The following SNX24 variants were observed in gnomAD, a reference collection of about 807,000 sequenced individuals.
SNX24 encodes the protein sorting nexin 24, also known as sorting nexin-24.
In SNX24, 22 loss-of-function variants were observed where a neutral mutation model predicts 28.7. The ratio of observed to expected loss-of-function variants is 0.77; its 90% CI spans 0.55 to 1.10. The LOEUF is 1.10. SNX24 is among the 50% of genes least tolerant of loss of function. The pLI, the probability that SNX24 is intolerant of heterozygous loss-of-function variation, is 0.00. For synonymous variants in SNX24, 69 were observed against 71.5 expected (o/e 0.96, Z 0.18); for missense variants, 221 against 201.1 (o/e 1.10, Z -0.60).
chr5:122,888,864 T>G (rs1756828763), intron 1 of SNX24, among the ~76,000 whole-genome samples: 1 of 152,196 alleles, frequency 6.6e-6, no homozygotes, highest in South Asian at 2.1e-4. Context: ...AACTTTGTGT[T>G]TTTTTGAGAC....
At chr5:122,908,493 T>C (rs1328485511) in intron 1 of SNX24, among the ~76,000 whole-genome samples, 1 of 152,234 alleles carries the variant, frequency 6.6e-6, no homozygotes. Flanking sequence ...ACAGTGCAGA[T>C]GTTTTAAAAT....
At chr5:122,973,404 C>T (rs2150149635) in intron 3 of SNX24, among the ~76,000 whole-genome samples, 1 of 152,358 alleles carries the variant, frequency 6.6e-6, no homozygotes, top group South Asian at 2.1e-4. Flanking sequence ...GACTGTAGTG[C>T]TGCAGCTGTC....
chr5:122,984,128 A>G (rs1761499839), intron 3 of SNX24, among the ~76,000 whole-genome samples: 1 of 152,190 alleles, frequency 6.6e-6, no homozygotes, highest in Non-Finnish European at 1.5e-5. Flanking sequence ...TTCTCTCTGT[A>G]GCTTGCTCCC....
chr5:122,942,623 G>C (rs562040148), intron 2 of SNX24, among the ~76,000 whole-genome samples: 1 of 152,218 alleles, frequency 6.6e-6, no homozygotes, highest in Non-Finnish European at 1.5e-5. Flanking sequence ...AAAAGGAAAA[G>C]GGAGTGGTCA....
chr5:122,904,141 G>T (rs1019162619), intron 1 of SNX24, among the ~76,000 whole-genome samples: 3 of 151,846 alleles, frequency 2.0e-5, no homozygotes, highest in African/African-American at 7.3e-5. Flanking sequence ...ATAGATTGTT[G>T]AAGTAAAGCA....
chr5:122,944,157 G>C (rs1213923261), intron 2 of SNX24, among the ~76,000 whole-genome samples: 1 of 152,196 alleles, frequency 6.6e-6, no homozygotes, highest in Non-Finnish European at 1.5e-5. Context: ...CAACATTCAT[G>C]TTCCAGGCTC....
At chr5:122,911,939 ACT>A (rs1177632406) in intron 1 of SNX24, among the ~76,000 whole-genome samples, 1 of 148,720 alleles carries the variant, frequency 6.7e-6, no homozygotes, top group East Asian at 2.0e-4. Context: ...CTTAGGATTG[ACT>A]TGGCGATGCG....
chr5:122,891,431 T>C lies in SNX24; in HGVS notation c.61-45303T>C, dbSNP rs1756963066. 2.0e-5 allele frequency among the ~76,000 whole-genome samples: 3 copies of C among 152,220 alleles called. No individual in the cohort carries two copies. In the South Asian group the frequency reaches 6.2e-4, roughly 31 times the overall value. ...CATACACTTGAAGTAATCATGGTTATCTAGGGAAAATGCTGTTTTATTGAG... is the reference window on the plus strand; with the variant it reads ...CATACACTTGAAGTAATCATGGTTACCTAGGGAAAATGCTGTTTTATTGAG... On this transcript the variant is annotated intron_variant, in intron 1 of 6. Transcript: ENST00000261369.
chr5:122,864,806 C>T (rs913045735), intron 1 of SNX24, among the ~76,000 whole-genome samples: 5 of 152,252 alleles, frequency 3.3e-5, no homozygotes, highest in African/African-American at 7.2e-5. Flanking sequence ...AGCTGCATGA[C>T]TCCTAAACCA....
rs1192473042 is a variant in SNX24, at chr5:122,956,377, C to T, written c.249+10218C>T. Among the ~76,000 whole-genome samples the T allele has an allele frequency of 0.017, 186 of 10,682 alleles. 4 individuals carry two copies. In the East Asian group the frequency reaches 0.27, roughly 15 times the overall value. 7.0% of individuals were successfully genotyped at this position (10,682 alleles called of 152,430 possible). On this transcript the variant is annotated intron_variant, in intron 3 of 6. Coordinates refer to ENST00000261369, the MANE Select transcript of SNX24 (RefSeq NM_014035.4). The stretch of plus-strand genomic sequence containing the variant: ...GAAAAAAAAAATATATACACACACA[C>T]ACACACACACACACACACACACACA...
At chr5:122,941,868 C>G (rs966476992) in intron 2 of SNX24, among the ~76,000 whole-genome samples, 2 of 152,136 alleles carry the variant, frequency 1.3e-5, no homozygotes, top group African/African-American at 4.8e-5. Context: ...TCTGCTAGTA[C>G]TAGGTGGGAA....
chr5:122,896,019 T>C (rs1036304798), intron 1 of SNX24, among the ~76,000 whole-genome samples: 2 of 151,868 alleles, frequency 1.3e-5, no homozygotes, highest in Non-Finnish European at 2.9e-5. Flanking sequence ...TGTGGTGGCA[T>C]GCACCTGTGA....
In SNX24 at chr5:123,008,666, C is replaced by T. The variant is rs1031546483; in HGVS notation, c.*917C>T. On this transcript the variant is annotated 3_prime_UTR_variant, in exon 7 of 7. Transcript: ENST00000261369. ...GACAAGGAGTGAAGCGCCCACCCAG[C>T]GGATGGACAGCACCCACCTGGGTTT... 2.9e-5 allele frequency: 5 copies of T among 170,010 alleles called. No individual in the cohort carries two copies. The highest frequency in any genetic ancestry group is 4.7e-5 in the Non-Finnish European group (4 of 84,332). The allele number at this position is 170,010 out of a possible 1,614,324, so 10.5% of individuals were successfully genotyped here. A position where few individuals can be genotyped will look rare whatever the true frequency, so the allele number is the denominator to read the frequency against.
At chr5:122,992,084 A>G (rs1761877678) in intron 3 of SNX24, among the ~76,000 whole-genome samples, 1 of 152,228 alleles carries the variant, frequency 6.6e-6, no homozygotes, top group East Asian at 1.9e-4. Flanking sequence ...TGGGGAATGA[A>G]TGAATGAATG....
chr5:122,873,830 A>G (rs565120246), intron 1 of SNX24, among the ~76,000 whole-genome samples: 1 of 149,570 alleles, frequency 6.7e-6, no homozygotes, highest in South Asian at 2.1e-4. Context: ...CAATGGCGCA[A>G]TCTCGGCTTA....
At chr5:122,921,295 T>C (rs1758421239) in intron 1 of SNX24, among the ~76,000 whole-genome samples, 1 of 152,138 alleles carries the variant, frequency 6.6e-6, no homozygotes, top group South Asian at 2.1e-4. Context: ...AGAATTTTAG[T>C]TTGTAAAAGG....
chr5:123,023,460 T>C (rs1035868498), intron 5 of SNX24: 4 of 153,600 alleles, frequency 2.6e-5, no homozygotes, highest in Non-Finnish European at 5.8e-5. Context: ...ATATCTCAGA[T>C]TACACTAGTC....
At chr5:123,025,893 A>T in intron 5 of SNX24, 6 of 1,614,108 alleles carry the variant, frequency 3.7e-6, no homozygotes, top group Non-Finnish European at 5.1e-6. Context: ...AGCGTTGGCC[A>T]TGCTGACCCA....
At chr5:123,007,118 G>A (rs1476257311) in intron 6 of SNX24, among the ~76,000 whole-genome samples, 1 of 152,104 alleles carries the variant, frequency 6.6e-6, no homozygotes, top group East Asian at 1.9e-4. Flanking sequence ...CTATAATAAT[G>A]GAGCTGTGTT....
Sources: allele counts gnomAD v4.1 joint callset (sites outside exome capture counted in the v4.1 genomes callset), GRCh38; gene constraint gnomAD v4.1.1; transcripts MANE v1.5; gene names NCBI Gene and HGNC (gene_info 2026-07-23, HGNC 2026-07-21).